The following HNRNPC variants were observed in gnomAD, a reference collection of about 807,000 sequenced individuals.
The protein encoded by HNRNPC is heterogeneous nuclear ribonucleoproteins C1/C2.
A neutral mutation model predicts 33.2 loss-of-function variants in HNRNPC; 3 were observed. The observed-to-expected ratio is 0.09, with a 90% CI of 0.04 to 0.23. HNRNPC has a LOEUF of 0.23. HNRNPC is among the 10% of genes least tolerant of loss of function. The pLI is 1.00. For missense variants in HNRNPC, 143 were observed against 366.7 expected, an observed-to-expected ratio of 0.39 and a Z score of 4.98; for synonymous variants, 121 against 126.7, an observed-to-expected ratio of 0.96 and a Z score of 0.30.
At chr14:21,223,374 A>T (rs1566604805) in intron 5 of HNRNPC, among the ~76,000 whole-genome samples, 1 of 152,134 alleles carries the variant, frequency 6.6e-6, no homozygotes, top group African/African-American at 2.4e-5. Flanking sequence ...CCTACAAAGA[A>T]ATATCTCCCA....
At chr14:21,265,704 G>C (rs968661833) in intron 1 of HNRNPC, among the ~76,000 whole-genome samples, 2 of 152,192 alleles carry the variant, frequency 1.3e-5, no homozygotes, top group Non-Finnish European at 2.9e-5. Context: ...CTTGAGCCCG[G>C]GAGGCAGAGG....
intron 2 of HNRNPC, among the ~76,000 whole-genome samples, chr14:21,258,565 T>C (rs960911731): frequency 6.6e-6 from 1 of 152,136 alleles, no homozygotes; most frequent in South Asian, 2.1e-4. Context: ...AAAACATGAA[T>C]AACAGTATCT....
At chr14:21,236,896 G>T (rs1287063959) in intron 2 of HNRNPC, among the ~76,000 whole-genome samples, 2 of 152,114 alleles carry the variant, frequency 1.3e-5, no homozygotes, top group African/African-American at 4.8e-5. Flanking sequence ...ATTCCAAAAT[G>T]CAAGGCAGTA....
chr14:21,227,792 T>G (rs1285164408), intron 5 of HNRNPC, among the ~76,000 whole-genome samples: 1 of 152,224 alleles, frequency 6.6e-6, no homozygotes, highest in Non-Finnish European at 1.5e-5. Flanking sequence ...TCAAGAAGAC[T>G]GTCACTGTAT....
Position 21,211,744 on chromosome 14 carries a change from G to C in HNRNPC, c.637+66C>G. 3 of 1,464,496 alleles carry C rather than the reference G, an allele frequency of 2.0e-6. No individual in the cohort carries two copies. The South Asian group carries it at 3.4e-5, about 17-fold the overall frequency. 90.7% of individuals were successfully genotyped at this position (1,464,496 alleles called of 1,614,324 possible). A position where few individuals can be genotyped will look rare whatever the true frequency, so the allele number is the denominator to read the frequency against. ...GCTTTATATTCCACTATTCCAACAT[G>C]TACTTTCAAGTGCCTTATGTAACTA... On this transcript the variant is annotated intron_variant, in intron 7 of 8. Coordinates refer to ENST00000553300, the MANE Select transcript of HNRNPC (RefSeq NM_004500.4).
chr14:21,247,901 G>C (rs746170867), intron 2 of HNRNPC, among the ~76,000 whole-genome samples: 15 of 151,376 alleles, frequency 9.9e-5, no homozygotes, highest in Non-Finnish European at 1.5e-4. Flanking sequence ...GCATGAGAAA[G>C]AATCGCCAGA....
chr14:21,267,016 G>A (rs571810873), intron 1 of HNRNPC, among the ~76,000 whole-genome samples: 13 of 147,108 alleles, frequency 8.8e-5, no homozygotes, highest in Admixed American at 2.1e-4. Flanking sequence ...GCTTGAACCC[G>A]GGAGGCGGAG....
At chr14:21,247,258 C>G (rs1021540614) in intron 2 of HNRNPC, among the ~76,000 whole-genome samples, 5 of 152,154 alleles carry the variant, frequency 3.3e-5, no homozygotes, top group Non-Finnish European at 7.3e-5. Context: ...TTCATAATCA[C>G]TAAAGATCAC....
At chr14:21,238,426 G>A (rs941802095) in intron 2 of HNRNPC, among the ~76,000 whole-genome samples, 3 of 152,100 alleles carry the variant, frequency 2.0e-5, no homozygotes, top group African/African-American at 7.2e-5. Context: ...TGTTCTGTGG[G>A]TACTCTGCTT....
intron 2 of HNRNPC, among the ~76,000 whole-genome samples, chr14:21,240,005 A>G (rs1322572980): frequency 6.6e-6 from 1 of 152,194 alleles, no homozygotes; most frequent in African/African-American, 2.4e-5. Context: ...GTTTTTAATC[A>G]AAGGATCACA....
At chr14:21,224,104 A>C (rs550993945) in intron 5 of HNRNPC, among the ~76,000 whole-genome samples, 1 of 152,166 alleles carries the variant, frequency 6.6e-6, no homozygotes, top group Admixed American at 6.5e-5. Flanking sequence ...AAACAAACCC[A>C]TCTCTCAGGT....
intron 5 of HNRNPC, among the ~76,000 whole-genome samples, chr14:21,226,394 G>C (rs1292612383): frequency 1.3e-5 from 2 of 151,036 alleles, no homozygotes; most frequent in African/African-American, 4.9e-5. Context: ...TCAATTTCAT[G>C]TATATGCCAG....
intron 6 of HNRNPC, 45 bp from the exon 7 acceptor site, chr14:21,211,968 G>GA: frequency 6.8e-7 from 1 of 1,463,232 alleles, no homozygotes; most frequent in Non-Finnish European, 9.6e-7. Context: ...ATGTACCGAA[G>GA]ATATGAGTTA....
intron 2 of HNRNPC, among the ~76,000 whole-genome samples, chr14:21,253,044 C>A (rs886122793): frequency 6.6e-5 from 10 of 150,668 alleles, no homozygotes; most frequent in African/African-American, 2.4e-4. Context: ...CGTGGTGGAG[C>A]GTAACTGTAA....
intron 6 of HNRNPC, among the ~76,000 whole-genome samples, chr14:21,212,589 C>A (rs1891737023): frequency 6.6e-6 from 1 of 151,504 alleles, no homozygotes; most frequent in Non-Finnish European, 1.5e-5. Flanking sequence ...GTCACCCAGG[C>A]TGGAGTGCAA....
chr14:21,262,089 T>C (rs889660113), intron 2 of HNRNPC, among the ~76,000 whole-genome samples: 4 of 152,238 alleles, frequency 2.6e-5, no homozygotes, highest in African/African-American at 7.2e-5. Context: ...TTCCCTGCTT[T>C]GTGAGGTCAA....
At chr14:21,247,575 CTGAG>C (rs779705724) in intron 2 of HNRNPC, among the ~76,000 whole-genome samples, 2 of 152,088 alleles carry the variant, frequency 1.3e-5, no homozygotes, top group Non-Finnish European at 2.9e-5. Context: ...TTTAGCACAA[CTGAG>C]TATGTTTAAA....
intron 2 of HNRNPC, among the ~76,000 whole-genome samples, chr14:21,253,402 AG>A (rs1317468939): frequency 7.4e-6 from 1 of 135,326 alleles, no homozygotes; most frequent in African/African-American, 2.8e-5. Context: ...TGAACCCAGG[AG>A]GCGGAGCTTG....
At chr14:21,241,169 G>T (rs1261710851) in intron 2 of HNRNPC, among the ~76,000 whole-genome samples, 1 of 145,842 alleles carries the variant, frequency 6.9e-6, no homozygotes, top group East Asian at 2.2e-4. Context: ...CTGAGGCAAA[G>T]AACTGCCTGA....
Sources: gnomAD v4.1 joint callset for allele counts (sites outside exome capture counted in the v4.1 genomes callset) on GRCh38, gnomAD v4.1.1 for gene constraint, MANE v1.5 for transcripts, NCBI Gene and HGNC (gene_info 2026-07-23, HGNC 2026-07-21) for gene names.